Variants in MED27 observed in about 807,000 individuals in gnomAD.
MED27 encodes the protein mediator complex subunit 27.
Under a neutral mutation model 38.2 loss-of-function variants are expected in MED27, and 30 were observed. That is an observed-to-expected ratio of 0.79 (90% CI 0.59 to 1.07). The LOEUF is 1.07. Among genes scored for constraint, MED27 ranks in the 50% least tolerant of loss-of-function variants. The probability of loss-of-function intolerance (pLI) is 0.00; values close to 1 mark genes in which losing one functional copy is unlikely to be tolerated. For missense variants in MED27, 289 were observed against 397.5 expected (o/e 0.73, Z 2.32); for synonymous variants, 122 against 153.5 (o/e 0.79, Z 1.52).
rs61624043 is a variant in MED27, at chr9:131,881,800, C to CTTTTTTTTTTTTTTTTTT, written c.723+2240_723+2257dup. ...CCTCCCTCCCTTCCTTCTTCTTCTT[C>CTTTTTTTTTTTTTTTTTT]TTTTTTTTTTTTTTTTTTTTTTTTG... On this transcript the variant is annotated intron_variant, in intron 6 of 7. Transcript: ENST00000292035. Among the ~76,000 whole-genome samples the CTTTTTTTTTTTTTTTTTT allele has an allele frequency of 8.9e-4, 54 of 60,976 alleles. 4 individuals carry two copies. The highest frequency in any genetic ancestry group is 1.1e-3 in the Non-Finnish European group (37 of 33,140). 40.0% of individuals were successfully genotyped at this position (60,976 alleles called of 152,430 possible).
chr9:132,040,288 C>T (rs760567169), intron 2 of MED27, among the ~76,000 whole-genome samples: 17 of 152,214 alleles, frequency 1.1e-4, no homozygotes, highest in Non-Finnish European at 1.8e-4. Flanking sequence ...AAAGCAAATG[C>T]CATCACCTTT....
intron 2 of MED27, chr9:132,073,848 T>G: frequency 7.3e-7 from 1 of 1,360,604 alleles, no homozygotes; most frequent in Non-Finnish European, 9.5e-7. Flanking sequence ...TCTGGGGTCT[T>G]TGCAGCTTCA....
intron 4 of MED27, among the ~76,000 whole-genome samples, chr9:131,938,698 A>G (rs1830726068): frequency 6.6e-6 from 1 of 151,968 alleles, no homozygotes; most frequent in African/African-American, 2.4e-5. Flanking sequence ...TTATATTAAG[A>G]GAGTGTTTTC....
At chr9:131,895,980 C>T (rs1010631635) in intron 4 of MED27, among the ~76,000 whole-genome samples, 7 of 151,140 alleles carry the variant, frequency 4.6e-5, no homozygotes, top group African/African-American at 1.7e-4. Context: ...CTCACTGCAA[C>T]GTCCATCTCC....
At chr9:131,892,787 G>A (rs1209057921) in intron 5 of MED27, among the ~76,000 whole-genome samples, 5 of 152,170 alleles carry the variant, frequency 3.3e-5, no homozygotes, top group African/African-American at 1.2e-4. Context: ...GACTACACCT[G>A]ACTGATTACT....
intron 2 of MED27, among the ~76,000 whole-genome samples, chr9:132,026,612 T>C (rs930053312): frequency 6.6e-6 from 1 of 152,194 alleles, no homozygotes; most frequent in Admixed American, 6.5e-5. Flanking sequence ...TGGGATGGCC[T>C]GATGGATGCA....
intron 4 of MED27, among the ~76,000 whole-genome samples, chr9:131,897,813 T>C (rs1449342360): frequency 6.6e-6 from 1 of 152,178 alleles, no homozygotes; most frequent in African/African-American, 2.4e-5. Context: ...AGGGAAGGGG[T>C]TTGTTGGATT....
intron 2 of MED27, among the ~76,000 whole-genome samples, chr9:132,039,386 C>T (rs534893011): frequency 3.3e-5 from 5 of 152,284 alleles, no homozygotes; most frequent in Admixed American, 2.6e-4. Flanking sequence ...ATAGTACACA[C>T]GCCTCCAGGC....
chr9:131,884,274 T>G (rs1823516779), intron 5 of MED27, among the ~76,000 whole-genome samples, 175 bp from the exon 6 acceptor site: 2 of 152,212 alleles, frequency 1.3e-5, no homozygotes, highest in Admixed American at 1.3e-4. Flanking sequence ...TTCTTCTTTA[T>G]CCATTTGTAG....
chr9:132,072,836 T>C (rs995109982), intron 2 of MED27, among the ~76,000 whole-genome samples: 4 of 152,066 alleles, frequency 2.6e-5, no homozygotes, highest in Admixed American at 1.3e-4. Context: ...GTAGCAGCTA[T>C]ATGGAGAGAA....
intron 6 of MED27, among the ~76,000 whole-genome samples, chr9:131,879,786 G>T (rs150516370): frequency 2.6e-5 from 4 of 152,336 alleles, no homozygotes; most frequent in Admixed American, 2.0e-4. Flanking sequence ...CTGCCGCAGT[G>T]CTCCCAAACA....
chr9:132,056,892 G>A (rs1273071921), intron 2 of MED27, among the ~76,000 whole-genome samples: 2 of 152,158 alleles, frequency 1.3e-5, no homozygotes, highest in East Asian at 1.9e-4. Context: ...ATGGCTGACC[G>A]ACGCTGAGGT....
At chr9:131,881,421 G>C (rs1184716985) in intron 6 of MED27, among the ~76,000 whole-genome samples, 4 of 152,184 alleles carry the variant, frequency 2.6e-5, no homozygotes, top group Admixed American at 2.6e-4. Flanking sequence ...GGGAGGAAGA[G>C]AGAGTGGGAG....
intron 2 of MED27, among the ~76,000 whole-genome samples, chr9:132,065,140 A>G (rs1336163739): frequency 2.0e-5 from 3 of 152,238 alleles, no homozygotes; most frequent in African/African-American, 7.2e-5. Flanking sequence ...ACTGGTAGCA[A>G]GTGCGACCAT....
At chr9:132,049,403 C>T (rs1038910375) in intron 2 of MED27, among the ~76,000 whole-genome samples, 1 of 152,124 alleles carries the variant, frequency 6.6e-6, no homozygotes, top group African/African-American at 2.4e-5. Context: ...TGGGAAAAAT[C>T]AAGCAAAAAC....
rs780189860 is a variant in MED27 at position 132,002,918 on chromosome 9, CA to C, written c.479+11418del. Among the ~76,000 whole-genome samples, 12 of 100,886 alleles carry C rather than the reference CA, an allele frequency of 1.2e-4. 1 individual carries two copies. The South Asian group carries it at 2.2e-3, about 19-fold the overall frequency. The allele number at this position is 100,886 out of a possible 152,430, so 66.2% of individuals were successfully genotyped here. ...GTACAGAGTGAGTGAGACTCTGTCT[CA>C]AAAAAAAAAGAAAAAAGAAAAAGAA... On this transcript the variant is annotated intron_variant, in intron 3 of 7. Transcript: ENST00000292035.
intron 4 of MED27, among the ~76,000 whole-genome samples, chr9:131,931,634 T>C (rs1210092312): frequency 2.0e-5 from 3 of 152,112 alleles, no homozygotes; most frequent in African/African-American, 7.2e-5. Context: ...CCTACAAAGA[T>C]ACATACAGAC....
At chr9:131,884,899 C>T (rs1182504348) in intron 5 of MED27, among the ~76,000 whole-genome samples, 1 of 152,210 alleles carries the variant, frequency 6.6e-6, no homozygotes, top group African/African-American at 2.4e-5. Context: ...TGAGCCATTA[C>T]ACTGGACCCT....
At chr9:131,937,896 G>A (rs941818111) in intron 4 of MED27, among the ~76,000 whole-genome samples, 1 of 151,502 alleles carries the variant, frequency 6.6e-6, no homozygotes. Context: ...CGCGATCTCA[G>A]CTCACTGCAA....
Sources: allele counts gnomAD v4.1 joint callset (sites outside exome capture counted in the v4.1 genomes callset), GRCh38; gene constraint gnomAD v4.1.1; transcripts MANE v1.5; gene names NCBI Gene and HGNC (gene_info 2026-07-23, HGNC 2026-07-21).